Variants in ARHGAP36 observed in about 807,000 individuals in gnomAD.
ARHGAP36 encodes the protein rho GTPase-activating protein 36.
In ARHGAP36, 7 loss-of-function variants were observed where a neutral mutation model predicts 32.9. The observed-to-expected ratio is 0.21, with a 90% confidence interval of 0.12 to 0.40. ARHGAP36 has a LOEUF of 0.40. Ranked by LOEUF, ARHGAP36 falls within the 10% of genes least tolerant of loss-of-function variation. The pLI is 1.00. For synonymous variants in ARHGAP36, 165 were observed against 168.3 expected, an observed-to-expected ratio of 0.98 and a Z score of 0.15; for missense variants, 383 against 442.2, an observed-to-expected ratio of 0.87 and a Z score of 1.20.
At chrX:131,082,732 A>G (rs753523999) in intron 2 of ARHGAP36, among the ~76,000 whole-genome samples, 79 of 113,136 alleles carry the variant, frequency 7.0e-4, no homozygotes, top group African/African-American at 2.3e-3. Context: ...ACCGCAGCGC[A>G]GGGAGCCGAC....
Position 131,058,428 on chromosome X carries a change from GC to G in ARHGAP36, c.-155del. The stretch of plus-strand genomic sequence containing the variant: ...ACTGCCTTTTCGCCTCGGCCTTTGA[GC>G]CCCGCCCCCGCCGTGGTGAGTGGGG... On this transcript the variant is annotated 5_prime_UTR_variant, in exon 1 of 12. The change abolishes the stop of an existing upstream ORF in the 5' untranslated region. Coordinates refer to ENST00000276211, the MANE Select transcript of ARHGAP36 (RefSeq NM_144967.4). The G allele has an allele frequency of 9.2e-7, 1 of 1,087,956 alleles. No individual in the cohort carries two copies. Among genetic ancestry groups the G allele is most frequent in the Non-Finnish European group, 1.2e-6 (1 of 831,270 alleles). 89.7% of individuals were successfully genotyped at this position (1,087,956 alleles called of 1,213,427 possible).
At chrX:131,067,224 A>C (rs1006125242) in intron 1 of ARHGAP36, among the ~76,000 whole-genome samples, 1 of 112,737 alleles carries the variant, frequency 8.9e-6, no homozygotes, top group African/African-American at 3.2e-5. Flanking sequence ...CACAAAGCCA[A>C]AAAGGTGTGA....
chrX:131,083,032 A>T, intron 2 of ARHGAP36, 133 bp from the exon 3 acceptor site: 1 of 543,382 alleles, frequency 1.8e-6, no homozygotes, highest in Non-Finnish European at 2.9e-6. Flanking sequence ...AAAGCAAATT[A>T]CTTTTCGCCC....
chrX:131,079,877 A>G (rs1233161909), intron 1 of ARHGAP36, among the ~76,000 whole-genome samples: 1 of 111,670 alleles, frequency 9.0e-6, no homozygotes, highest in Non-Finnish European at 1.9e-5. Context: ...TTCCATTGCA[A>G]TTAAAGATGT....
At position 131,084,960 on chromosome X, in the gene ARHGAP36, A is replaced by G. The variant is rs202056670; in HGVS notation, c.851A>G (p.Asn284Ser). The part of the protein sequence containing the change: ...DQGLDVVLDD[N>S]QNVHDVAALL... ...GGTCTGGATGTAGTGCTGGATGACA[A>G]TCAGAATGTGCATGATGTGGCTGCA... Residue 284 changes from asparagine (N) to serine (S), a missense_variant, in exon 7 of 12, where the codon AAT becomes AGT. Physicochemically the swap from Asn to Ser is conservative, Grantham distance 46. This residue lies in a region of ARHGAP36 where 227 missense variants were observed against 311.3 expected (regional missense o/e 0.73). Transcript: ENST00000276211. The G allele has an allele frequency of 2.4e-4, 286 of 1,210,279 alleles. 3 individuals are homozygous for G. The South Asian group carries it at 4.6e-3, about 20-fold the overall frequency.
chrX:131,082,734 G>T (rs1007034685), intron 2 of ARHGAP36, among the ~76,000 whole-genome samples: 1 of 113,134 alleles, frequency 8.8e-6, no homozygotes, highest in Non-Finnish European at 1.9e-5. Context: ...CGCAGCGCAG[G>T]GAGCCGACGG....
chrX:131,077,584 G>C (rs1603393784), intron 1 of ARHGAP36, among the ~76,000 whole-genome samples: 1 of 109,928 alleles, frequency 9.1e-6, no homozygotes, highest in Non-Finnish European at 1.9e-5. Flanking sequence ...ACGTTAATTT[G>C]TTTCTCCATC....
At chrX:131,058,579 T>C in intron 1 of ARHGAP36, 135 bp downstream of exon 1, 3 of 561,320 alleles carry the variant, frequency 5.3e-6, no homozygotes, top group Non-Finnish European at 7.4e-6. Context: ...TAGCTAATTG[T>C]TCCTGGCTCA....
chrX:131,073,766 C>T (rs918824422), intron 1 of ARHGAP36, among the ~76,000 whole-genome samples: 122 of 111,766 alleles, frequency 1.1e-3, no homozygotes, highest in Middle Eastern at 4.6e-3. Flanking sequence ...GGCCTCCTGA[C>T]TCCTGGTCTA....
chrX:131,071,132 G>C (rs2079731192), intron 1 of ARHGAP36, among the ~76,000 whole-genome samples: 1 of 110,402 alleles, frequency 9.1e-6, no homozygotes, highest in South Asian at 4.0e-4. Flanking sequence ...GCCAGAGGGA[G>C]GGGCTGCAGA....
At chrX:131,087,175 C>A (rs1369352333) in intron 11 of ARHGAP36, among the ~76,000 whole-genome samples, 2 of 111,579 alleles carry the variant, frequency 1.8e-5, no homozygotes, top group African/African-American at 6.5e-5. Context: ...TGCAGAAGCT[C>A]CCTATCTTGA....
In ARHGAP36 at chrX:131,081,799, G is replaced by A. The variant is rs368664815; in HGVS notation, c.134G>A (p.Arg45His). The A allele has an allele frequency of 5.8e-6, 7 of 1,210,405 alleles. No individual in the cohort carries two copies. The East Asian group carries it at 1.5e-4, about 26-fold the overall frequency. The stretch of plus-strand genomic sequence containing the variant: ...GGAGCCCCAGGACACAACCCCGACC[G>A]CAGGACGAAGATGGTATCGATACAC... Reference protein sequence around the residue: ...LGGAPGHNPDRRTKMVSIHSL... With the variant: ...LGGAPGHNPDHRTKMVSIHSL... Residue 45 changes from arginine (R) to histidine (H), a missense_variant, in exon 2 of 12, where the codon CGC (arginine) becomes CAC (histidine). Transcript: ENST00000276211.
At chrX:131,067,194 C>G (rs2079703466) in intron 1 of ARHGAP36, among the ~76,000 whole-genome samples, 1 of 112,041 alleles carries the variant, frequency 8.9e-6, no homozygotes, top group African/African-American at 3.2e-5. Flanking sequence ...AAAGGGCTTC[C>G]AGGCAACTGG....
chrX:131,084,119 T>A, intron 4 of ARHGAP36, 96 bp from the exon 5 acceptor site: 3 of 1,045,336 alleles, frequency 2.9e-6, no homozygotes, highest in Non-Finnish European at 3.9e-6. Flanking sequence ...ACAAAGGGAA[T>A]GTATCTTGTC....
intron 4 of ARHGAP36, 69 bp from the exon 5 acceptor site, chrX:131,084,144 TAC>T (rs2079821787): frequency 9.2e-7 from 1 of 1,086,077 alleles, no homozygotes; most frequent in Non-Finnish European, 1.2e-6. Flanking sequence ...ATGTCATACA[TAC>T]AGTACTCAGG....
chrX:131,082,395 C>T (rs1461996654), intron 2 of ARHGAP36, among the ~76,000 whole-genome samples: 1 of 112,661 alleles, frequency 8.9e-6, no homozygotes, highest in Non-Finnish European at 1.9e-5. Context: ...GCGGTGCGGG[C>T]GCGGGGGCGG....
chrX:131,079,680 C>A (rs2079785091), intron 1 of ARHGAP36, among the ~76,000 whole-genome samples: 1 of 108,481 alleles, frequency 9.2e-6, no homozygotes, highest in Admixed American at 9.8e-5. Flanking sequence ...AAGCTCCCCA[C>A]CCCCCAAATC....
Position 131,089,092 on chromosome X carries a change from T to C in ARHGAP36, c.*307T>C, listed in dbSNP as rs1485417671. ...TCTCTCTCTGCAGACTTTCCTTTAA[T>C]TGATGTGACATTTGTGGTAAACACC... On this transcript the variant is annotated 3_prime_UTR_variant, in exon 12 of 12. Coordinates refer to ENST00000276211, the MANE Select transcript of ARHGAP36 (RefSeq NM_144967.4). 4.7e-6 allele frequency: 1 copy of C among 213,715 alleles called. No homozygotes were observed. The highest frequency in any genetic ancestry group is 8.4e-6 in the Non-Finnish European group (1 of 119,505). 17.6% of individuals were successfully genotyped at this position (213,715 alleles called of 1,213,427 possible). A position where few individuals can be genotyped will look rare whatever the true frequency, so the allele number is the denominator to read the frequency against.
rs1477074563 is a variant in ARHGAP36 at position 131,088,620 on chromosome X, T to C, written c.1487-8T>C. ...ACATAAGGAGTTAACATTGTTACTATTTTTCAGGTTCCTCTGAGGAGCCAG... is the reference window on the plus strand; with the variant it reads ...ACATAAGGAGTTAACATTGTTACTACTTTTCAGGTTCCTCTGAGGAGCCAG... On this transcript the variant is annotated splice_polypyrimidine_tract_variant and splice_region_variant and intron_variant, in intron 11 of 11. Transcript: ENST00000276211. The C allele has an allele frequency of 8.3e-7, 1 of 1,206,907 alleles. No individual in the cohort carries two copies. Among genetic ancestry groups the C allele is most frequent in the Non-Finnish European group, 1.1e-6 (1 of 893,375 alleles).
Sources: gnomAD v4.1 joint callset for allele counts (sites outside exome capture counted in the v4.1 genomes callset) on GRCh38, gnomAD v4.1.1 for gene constraint, gnomAD v4.1.1 regional missense constraint, MANE v1.5 for transcripts, NCBI Gene and HGNC (gene_info 2026-07-23, HGNC 2026-07-21) for gene names.